Variants in MCF2L observed in about 807,000 individuals in gnomAD.
MCF2L encodes the protein guanine nucleotide exchange factor DBS.
MCF2L carries 97 observed loss-of-function variants against 153.4 expected under a neutral mutation model. The ratio of observed to expected loss-of-function variants is 0.63; its 90% CI spans 0.54 to 0.75. The LOEUF is 0.75. MCF2L is among the 30% of genes least tolerant of loss of function. The pLI is 0.00. For synonymous variants in MCF2L, 659 were observed against 632.2 expected, an observed-to-expected ratio of 1.04 and a Z score of -0.64; for missense variants, 1,347 against 1,495.2, an observed-to-expected ratio of 0.90 and a Z score of 1.64.
intron 2 of MCF2L, among the ~76,000 whole-genome samples, chr13:112,925,972 G>T (rs137866888): frequency 1.5e-4 from 23 of 152,190 alleles, no homozygotes; most frequent in Admixed American, 9.2e-4. Context: ...CTAAAGTAAA[G>T]AATAGCATAA....
intron 1 of MCF2L, among the ~76,000 whole-genome samples, chr13:112,982,543 C>T (rs1001526484): frequency 1.4e-4 from 21 of 152,138 alleles, no homozygotes; most frequent in African/African-American, 5.1e-4. Context: ...TGGGGGGCCT[C>T]CTGCGGAGGA....
intron 15 of MCF2L, among the ~76,000 whole-genome samples, chr13:113,080,238 G>C (rs1399055638): frequency 6.8e-6 from 1 of 146,046 alleles, no homozygotes. Context: ...TTCGTATGGA[G>C]GAGGGTCCAG....
chr13:113,074,870 G>A lies in MCF2L; in HGVS notation c.1117-128G>A, dbSNP rs1292006402. Reference sequence around the variant, plus strand: ...CTTCGGGGATTAAGCAGCATCTCAGGCATCCGCAGCAGTAAACAAAGAAAT... The same window carrying A: ...CTTCGGGGATTAAGCAGCATCTCAGACATCCGCAGCAGTAAACAAAGAAAT... On this transcript the variant is annotated intron_variant, in intron 10 of 29. Coordinates refer to ENST00000535094, the MANE Select transcript of MCF2L (RefSeq NM_001112732.3). This position sits in a 1 kb window ranked among gnomAD's most constrained non-coding sequence, Gnocchi z 4.2. The A allele has an allele frequency of 4.5e-6, 4 of 897,174 alleles. No homozygotes were observed. Among genetic ancestry groups the A allele is most frequent in the African/African-American group, 1.7e-5 (1 of 60,358 alleles). The allele number at this position is 897,174 out of a possible 1,614,324, so 55.6% of individuals were successfully genotyped here. A position where few individuals can be genotyped will look rare whatever the true frequency, so the allele number is the denominator to read the frequency against.
At chr13:113,052,305 G>T (rs975027696) in intron 4 of MCF2L, among the ~76,000 whole-genome samples, 1 of 152,180 alleles carries the variant, frequency 6.6e-6, no homozygotes, top group Non-Finnish European at 1.5e-5. Context: ...GAAGGAGCCC[G>T]GGGGTCCCTG....
intron 1 of MCF2L, among the ~76,000 whole-genome samples, chr13:112,996,610 GCATCCTGCGAC>G (rs1364260046): frequency 1.3e-5 from 2 of 152,166 alleles, no homozygotes; most frequent in East Asian, 3.9e-4. Context: ...TTTCTCCACG[GCATCCTGCGAC>G]CGTGCTCCTC....
intron 2 of MCF2L, among the ~76,000 whole-genome samples, chr13:113,024,050 T>C (rs1594714086): frequency 6.6e-6 from 1 of 152,162 alleles, no homozygotes; most frequent in South Asian, 2.1e-4. Context: ...CAAGGCAGTG[T>C]GGCAGGGTCA....
rs190525029 is a variant in MCF2L, at chr13:112,958,352, C to T, written c.169+55981C>T. Among the ~76,000 whole-genome samples the T allele has an allele frequency of 1.2e-4, 18 of 152,328 alleles. No homozygotes were observed. The East Asian group carries it at 2.9e-3, about 25-fold the overall frequency. ...ATGTGACAGTCTGCAGGCAGGTGTC[C>T]GCTTCTCCGGGGGACCCTGTCCTAT... On this transcript the variant is annotated intron_variant, in intron 2 of 29. Coordinates refer to the MCF2L transcript ENST00000375608.
In MCF2L at chr13:113,058,967, C is replaced by CACTGTTTGGGT. The variant is rs2030874437; in HGVS notation, c.370-1626_370-1625insACTGTTTGGGT. 3.2e-4 allele frequency among the ~76,000 whole-genome samples: 5 copies of CACTGTTTGGGT among 15,546 alleles called. No individual in the cohort carries two copies. In the South Asian group the frequency reaches 7.2e-3, roughly 23 times the overall value. The allele number at this position is 15,546 out of a possible 152,430, so 10.2% of individuals were successfully genotyped here. A position where few individuals can be genotyped will look rare whatever the true frequency, so the allele number is the denominator to read the frequency against. On this transcript the variant is annotated intron_variant, in intron 4 of 29. Coordinates refer to ENST00000535094, the MANE Select transcript of MCF2L (RefSeq NM_001112732.3). Reference sequence around the variant, plus strand: ...ACTGTTTGGGTGCTGAGTGTTTCAGCGCTGTTTGGGTGCTGAGTGTTTCAG... The same window carrying CACTGTTTGGGT: ...ACTGTTTGGGTGCTGAGTGTTTCAGCACTGTTTGGGTGCTGTTTGGGTGCTGAGTGTTTCAG...
At chr13:112,959,856 T>C (rs546576838) in intron 2 of MCF2L, among the ~76,000 whole-genome samples, 44 of 152,232 alleles carry the variant, frequency 2.9e-4, no homozygotes, top group Non-Finnish European at 1.2e-4. Flanking sequence ...CTATTTGGAG[T>C]GCACACAGGC....
At chr13:112,975,709 C>T (rs1339435761) in intron 1 of MCF2L, among the ~76,000 whole-genome samples, 1 of 152,178 alleles carries the variant, frequency 6.6e-6, no homozygotes, top group Non-Finnish European at 1.5e-5. Context: ...ACCGCACTGA[C>T]GATCCCAGTA....
At chr13:112,955,080 G>A (rs967937588) in intron 2 of MCF2L, among the ~76,000 whole-genome samples, 1 of 152,220 alleles carries the variant, frequency 6.6e-6, no homozygotes, top group Non-Finnish European at 1.5e-5. Context: ...CGGGACCCTG[G>A]TCCCAGGCGT....
chr13:113,084,102 T>C, intron 18 of MCF2L, 35 bp downstream of exon 18: 1 of 1,509,134 alleles, frequency 6.6e-7, no homozygotes, highest in Non-Finnish European at 9.2e-7. Context: ...TTGTCACAAC[T>C]TCTTAAAAGT....
rs1197671688 is a variant in MCF2L, at chr13:113,046,836, A to T, written c.369+1475A>T. 8.2e-6 allele frequency: 3 copies of T among 363,702 alleles called. No individual in the cohort carries two copies. In the Admixed American group the frequency reaches 1.2e-4, roughly 14 times the overall value. 22.5% of individuals were successfully genotyped at this position (363,702 alleles called of 1,614,324 possible). Reference sequence around the variant, plus strand: ...TCAAAACGCTTCAGGATGCTTCCAAAAAAGTAGACGTGTATAGAATCGGTC... The same window carrying T: ...TCAAAACGCTTCAGGATGCTTCCAATAAAGTAGACGTGTATAGAATCGGTC... On this transcript the variant is annotated intron_variant, in intron 4 of 29. Transcript: ENST00000535094. The surrounding 1 kb of genome is among the most constrained non-coding windows in gnomAD (Gnocchi z 4.4).
chr13:113,012,366 C>T lies in MCF2L; in HGVS notation c.80-2397C>T, dbSNP rs1231944085. Among the ~76,000 whole-genome samples the T allele has an allele frequency of 9.3e-5, 6 of 64,634 alleles. 1 individual carries two copies. Among genetic ancestry groups the T allele is most frequent in the African/African-American group, 3.4e-4 (6 of 17,610 alleles). 42.4% of individuals were successfully genotyped at this position (64,634 alleles called of 152,430 possible). A position where few individuals can be genotyped will look rare whatever the true frequency, so the allele number is the denominator to read the frequency against. ...AGTGTGGACGGTGGACACTGTGATG[C>T]GGACGGTGGACAGGCAGTGTGGACG... On this transcript the variant is annotated intron_variant, in intron 1 of 29. Transcript: ENST00000535094.
intron 26 of MCF2L, chr13:113,090,553 G>A: frequency 2.0e-6 from 2 of 985,278 alleles, no homozygotes; most frequent in Non-Finnish European, 2.4e-6. Flanking sequence ...CATCTTCTGG[G>A]GCATCCACTA....
At position 112,951,929 on chromosome 13, in the gene MCF2L, G is replaced by A. The variant is rs915314515; in HGVS notation, c.169+49558G>A. On this transcript the variant is annotated intron_variant, in intron 2 of 29. Transcript: ENST00000375608. The surrounding 1 kb of genome is among the most constrained non-coding windows in gnomAD (Gnocchi z 4.8). Reference sequence around the variant, plus strand: ...TCTCTGTCAACAAACCCACATACACGCACCGCATTACAAGGGCTTTACCAA... The same window carrying A: ...TCTCTGTCAACAAACCCACATACACACACCGCATTACAAGGGCTTTACCAA... Among the ~76,000 whole-genome samples the A allele has an allele frequency of 1.3e-5, 2 of 152,160 alleles. No homozygotes were observed. The highest frequency in any genetic ancestry group is 1.5e-5 in the Non-Finnish European group (1 of 68,038).
intron 1 of MCF2L, among the ~76,000 whole-genome samples, chr13:112,901,579 C>T (rs998329090): frequency 5.9e-5 from 9 of 152,178 alleles, no homozygotes; most frequent in African/African-American, 1.9e-4. Context: ...CACAGGTCAC[C>T]GCCTGGGAGG....
At chr13:112,961,290 C>T (rs957781627) in intron 2 of MCF2L, among the ~76,000 whole-genome samples, 2 of 152,216 alleles carry the variant, frequency 1.3e-5, no homozygotes, top group Admixed American at 1.3e-4. Context: ...TACAACTGGG[C>T]ACTAATTTGA....
Position 113,046,740 on chromosome 13 carries a change from C to T in MCF2L, c.369+1379C>T, listed in dbSNP as rs543526564. 79 of 477,808 alleles carry T rather than the reference C, an allele frequency of 1.7e-4. No homozygotes were observed. Among genetic ancestry groups the T allele is most frequent in the South Asian group, 1.1e-3 (68 of 64,048 alleles). The allele number at this position is 477,808 out of a possible 1,614,324, so 29.6% of individuals were successfully genotyped here. A position where few individuals can be genotyped will look rare whatever the true frequency, so the allele number is the denominator to read the frequency against. On this transcript the variant is annotated intron_variant, in intron 4 of 29. Transcript: ENST00000535094. This position sits in a 1 kb window ranked among gnomAD's most constrained non-coding sequence, Gnocchi z 4.4. ...CACGGCACCTCTCTGCCCCTCGCCGCGGCGGATCCCCGTTCCTGACCCTGA... is the reference window on the plus strand; with the variant it reads ...CACGGCACCTCTCTGCCCCTCGCCGTGGCGGATCCCCGTTCCTGACCCTGA...
Sources: allele counts gnomAD v4.1 joint callset (sites outside exome capture counted in the v4.1 genomes callset), GRCh38; gene constraint gnomAD v4.1.1; non-coding constraint Gnocchi (gnomAD v3.1); transcripts MANE v1.5; gene names NCBI Gene and HGNC (gene_info 2026-07-23, HGNC 2026-07-21).